Variants in ZCWPW1 observed in about 807,000 individuals in gnomAD.
ZCWPW1 encodes zinc finger CW-type PWWP domain protein 1.
ZCWPW1 carries 56 observed loss-of-function variants against 81.3 expected under a neutral mutation model. The observed-to-expected ratio is 0.69, with a 90% confidence interval of 0.56 to 0.86. The LOEUF is 0.86. ZCWPW1 is among the 40% of genes least tolerant of loss of function. The probability of loss-of-function intolerance (pLI) is 0.00; values close to 1 mark genes in which losing one functional copy is unlikely to be tolerated. For missense variants in ZCWPW1, 650 were observed against 769.8 expected (o/e 0.84, Z 1.84); for synonymous variants, 250 against 273.7 (o/e 0.91, Z 0.86).
intron 8 of ZCWPW1, among the ~76,000 whole-genome samples, chr7:100,410,530 T>C (rs906764006): frequency 2.0e-5 from 3 of 152,206 alleles, no homozygotes; most frequent in Non-Finnish European, 4.4e-5. Context: ...ATCTCCCTTG[T>C]AGAGATGCTG....
chr7:100,428,331 T>A (rs1459888672), intron 1 of ZCWPW1, among the ~76,000 whole-genome samples: 1 of 152,138 alleles, frequency 6.6e-6, no homozygotes, highest in African/African-American at 2.4e-5. Context: ...CATGCGCAAC[T>A]GGAAACAGCG....
chr7:100,421,851 G>A (rs555868703), intron 2 of ZCWPW1, among the ~76,000 whole-genome samples: 1 of 151,824 alleles, frequency 6.6e-6, no homozygotes, highest in Admixed American at 6.6e-5. Flanking sequence ...CGCCACCACC[G>A]CCGACTAATT....
In ZCWPW1 at chr7:100,420,675, G is replaced by A; in HGVS notation, c.-26C>T. ...TCAGCTTAGAAACTACGCTTTGTGTGCCTCTGTTAGAAAAAAGAAATTAAC... is the reference window on the plus strand; with the variant it reads ...TCAGCTTAGAAACTACGCTTTGTGTACCTCTGTTAGAAAAAAGAAATTAAC... On this transcript the variant is annotated 5_prime_UTR_variant, in exon 3 of 18. Transcript: ENST00000684423. The A allele has an allele frequency of 6.2e-7, 1 of 1,613,524 alleles. No individual in the cohort carries two copies. The highest frequency in any genetic ancestry group is 8.5e-7 in the Non-Finnish European group (1 of 1,179,922).
intron 3 of ZCWPW1, 54 bp from the exon 4 acceptor site, chr7:100,419,937 T>C: frequency 3.6e-6 from 5 of 1,397,502 alleles, no homozygotes; most frequent in Non-Finnish European, 4.9e-6. Flanking sequence ...TAACAGAGAT[T>C]GCCAAACATT....
chr7:100,416,744 G>A lies in ZCWPW1; in HGVS notation c.480-288C>T, dbSNP rs186944057. The stretch of plus-strand genomic sequence containing the variant: ...GGGTGGATCACAAGGTCAGGAGTTC[G>A]AGACCAACCTGGCTGATATGGTGAA... On this transcript the variant is annotated intron_variant, in intron 6 of 17. Coordinates refer to ENST00000684423, the MANE Select transcript of ZCWPW1 (RefSeq NM_001386010.1). Among the ~76,000 whole-genome samples, 511 of 152,164 alleles carry A rather than the reference G, an allele frequency of 3.4e-3. 8 individuals carry two copies. Among genetic ancestry groups the A allele is most frequent in the Admixed American group, 0.022 (335 of 15,286 alleles).
chr7:100,416,237 G>T (rs917950214), intron 7 of ZCWPW1, 68 bp downstream of exon 7: 306 of 1,597,288 alleles, frequency 1.9e-4, no homozygotes, highest in Non-Finnish European at 2.5e-4. Flanking sequence ...CCTGCCCATG[G>T]TCCCATTCCC....
chr7:100,427,924 C>T (rs1184135001), intron 1 of ZCWPW1, among the ~76,000 whole-genome samples: 1 of 151,860 alleles, frequency 6.6e-6, no homozygotes, highest in African/African-American at 2.4e-5. Flanking sequence ...AGGGAATCTC[C>T]CCTCCACCCC....
chr7:100,424,264 T>G (rs1051496069), intron 2 of ZCWPW1, among the ~76,000 whole-genome samples: 8 of 152,050 alleles, frequency 5.3e-5, no homozygotes, highest in African/African-American at 1.7e-4. Context: ...ATGACAACAT[T>G]TAGTTTTTAA....
intron 12 of ZCWPW1, among the ~76,000 whole-genome samples, chr7:100,405,463 A>G (rs1321225473): frequency 6.6e-6 from 1 of 152,138 alleles, no homozygotes; most frequent in Non-Finnish European, 1.5e-5. Context: ...AGAGTCACTA[A>G]TAAATATTAG....
At chr7:100,423,687 T>C (rs1272649532) in intron 2 of ZCWPW1, among the ~76,000 whole-genome samples, 3 of 152,022 alleles carry the variant, frequency 2.0e-5, no homozygotes, top group Non-Finnish European at 4.4e-5. Flanking sequence ...ACATATTTGC[T>C]CCAGAAAAAA....
At chr7:100,428,125 C>T (rs1384782073) in intron 1 of ZCWPW1, among the ~76,000 whole-genome samples, 1 of 152,212 alleles carries the variant, frequency 6.6e-6, no homozygotes, top group Non-Finnish European at 1.5e-5. Flanking sequence ...CGCCTAGCAC[C>T]TTCACCTACA....
At chr7:100,407,411 G>C in intron 10 of ZCWPW1, 108 bp from the exon 11 acceptor site, 1 of 1,002,712 alleles carries the variant, frequency 1.0e-6, no homozygotes, top group East Asian at 2.7e-5. Context: ...TTTTTTTTCT[G>C]AGACAAGGTC....
intron 8 of ZCWPW1, among the ~76,000 whole-genome samples, chr7:100,411,335 C>G (rs902729751): frequency 6.6e-6 from 1 of 151,568 alleles, no homozygotes; most frequent in African/African-American, 2.4e-5. Flanking sequence ...GGCGCAATCT[C>G]GGGTCACTGC....
Position 100,417,125 on chromosome 7 carries a change from G to T in ZCWPW1, c.420C>A (p.Thr140=), listed in dbSNP as rs751058669. 6.2e-6 allele frequency: 10 copies of T among 1,613,866 alleles called. No homozygotes were observed. Among genetic ancestry groups the T allele is most frequent in the African/African-American group, 1.3e-5 (1 of 74,944 alleles). The change falls in exon 6 of 18, where the codon ACC becomes ACA. Residue 140 remains threonine, a synonymous_variant. Coordinates refer to ENST00000684423, the MANE Select transcript of ZCWPW1 (RefSeq NM_001386010.1). ...TAATTCCTGGCTCCTTGTCTGATTG[G>T]GTAGATACTACGGGCTGGGCACAAG... ...ETSCAQPVVS[T]QSDKEPGITA... is the part of the protein sequence containing the mutation.
At chr7:100,425,339 G>T (rs530515915) in intron 1 of ZCWPW1, among the ~76,000 whole-genome samples, 1 of 151,998 alleles carries the variant, frequency 6.6e-6, no homozygotes, top group African/African-American at 2.4e-5. Context: ...AGGGGCAAAG[G>T]CTTTAAATAA....
rs200331453 is a variant in ZCWPW1 at position 100,406,696 on chromosome 7, T to A, written c.1171A>T (p.Met391Leu). The A allele has an allele frequency of 9.5e-5, 154 of 1,613,842 alleles. No homozygotes were observed. Among genetic ancestry groups the A allele is most frequent in the Non-Finnish European group, 1.2e-4 (138 of 1,179,820 alleles). ...ACAGAACCCCAAGATGTGCTCACCA[T>A]GACTGATAGCTCCAGGGACAGCTCC... ...FQELSLELSV[M>L]KKRRNDCSQK... Residue 391 changes from methionine (M) to leucine (L), a missense_variant and splice_region_variant, in exon 12 of 18, where the codon ATG becomes TTG. Coordinates refer to ENST00000684423, the MANE Select transcript of ZCWPW1 (RefSeq NM_001386010.1).
At chr7:100,411,299 C>T (rs1272582605) in intron 8 of ZCWPW1, among the ~76,000 whole-genome samples, 3 of 151,718 alleles carry the variant, frequency 2.0e-5, no homozygotes, top group African/African-American at 4.8e-5. Flanking sequence ...CACAGTCTCG[C>T]TCTGTTGCCC....
chr7:100,408,078 G>T (rs10235999), intron 10 of ZCWPW1, among the ~76,000 whole-genome samples: 1 of 152,168 alleles, frequency 6.6e-6, no homozygotes. Context: ...AGCGTCCTGA[G>T]TAGCTGGGAC....
chr7:100,409,692 G>C, intron 8 of ZCWPW1, 148 bp from the exon 9 acceptor site: 1 of 615,876 alleles, frequency 1.6e-6, no homozygotes, highest in Non-Finnish European at 2.8e-6. Context: ...TGACTTATAA[G>C]AGGGAAACCA....
Sources: gnomAD v4.1 joint callset for allele counts (sites outside exome capture counted in the v4.1 genomes callset) on GRCh38, gnomAD v4.1.1 for gene constraint, MANE v1.5 for transcripts, NCBI Gene and HGNC (gene_info 2026-07-23, HGNC 2026-07-21) for gene names.